The following HEATR1 variants were observed in gnomAD, a reference collection of about 807,000 sequenced individuals.
HEATR1 encodes the protein HEAT repeat-containing protein 1.
A neutral mutation model predicts 248.2 loss-of-function variants in HEATR1; 77 were observed. The observed-to-expected ratio is 0.31, with a 90% CI of 0.26 to 0.37. The LOEUF is 0.37. Ranked by LOEUF, HEATR1 falls within the 10% of genes least tolerant of loss-of-function variation. The probability of loss-of-function intolerance (pLI) is 1.00; values close to 1 mark genes in which losing one functional copy is unlikely to be tolerated. For missense variants in HEATR1, 2,420 were observed against 2,504.9 expected, an observed-to-expected ratio of 0.97 and a Z score of 0.72; for synonymous variants, 897 against 923.1, an observed-to-expected ratio of 0.97 and a Z score of 0.51.
intron 31 of HEATR1, among the ~76,000 whole-genome samples, chr1:236,565,288 A>G (rs115386319): frequency 0.013 from 1,985 of 152,280 alleles, 17 homozygotes; most frequent in Non-Finnish European, 0.022. Context: ...ATTGTAGAGA[A>G]CTAAGAACTA....
At position 236,557,356 on chromosome 1, in the gene HEATR1, AG is replaced by A. The variant is rs780490768; in HGVS notation, c.5205-12del. ...AACGATGGCATCAGGCTAGAAACAA[AG>A]TAAGAGCTTTAGAAGAACTTGAAGC... On this transcript the variant is annotated splice_polypyrimidine_tract_variant and intron_variant, in intron 36 of 44. Coordinates refer to ENST00000366582, the MANE Select transcript of HEATR1 (RefSeq NM_018072.6). The A allele has an allele frequency of 6.3e-5, 101 of 1,613,104 alleles. No individual in the cohort carries two copies. Among genetic ancestry groups the A allele is most frequent in the Non-Finnish European group, 8.5e-5 (100 of 1,179,444 alleles).
chr1:236,582,913 T>C (rs1158079434), intron 18 of HEATR1, 41 bp from the exon 19 acceptor site: 26 of 1,610,244 alleles, frequency 1.6e-5, no homozygotes, highest in Non-Finnish European at 2.1e-5. Flanking sequence ...AGATCCTACA[T>C]GAACATGCTG....
intron 12 of HEATR1, among the ~76,000 whole-genome samples, chr1:236,589,296 A>AT (rs1171625912): frequency 1.3e-5 from 2 of 152,226 alleles, no homozygotes; most frequent in African/African-American, 4.8e-5. Flanking sequence ...TTTATTTAAC[A>AT]TATCGACAAA....
chr1:236,575,181 C>T lies in HEATR1; in HGVS notation c.3085-278G>A, dbSNP rs141807921. Among the ~76,000 whole-genome samples, 915 of 152,262 alleles carry T rather than the reference C, an allele frequency of 6.0e-3. 4 individuals are homozygous for T. Among genetic ancestry groups the T allele is most frequent in the Middle Eastern group, 0.01 (3 of 294 alleles). On this transcript the variant is annotated intron_variant, in intron 22 of 44. Transcript: ENST00000366582. The stretch of plus-strand genomic sequence containing the variant: ...TTCCTCAAGACTTGAGAACAGAAAA[C>T]ACAAACTAAAACTTTAGAGAATAAA...
Position 236,596,913 on chromosome 1 carries a change from T to TA in HEATR1, c.666dup (p.Thr223TyrfsTer104). 6.2e-7 allele frequency: 1 copy of TA among 1,614,054 alleles called. No individual in the cohort carries two copies. Among genetic ancestry groups the TA allele is most frequent in the Non-Finnish European group, 8.5e-7 (1 of 1,179,996 alleles). On this transcript the variant is annotated frameshift_variant, in exon 6 of 45. Coordinates refer to ENST00000366582, the MANE Select transcript of HEATR1 (RefSeq NM_018072.6). LOFTEE classifies it high-confidence loss of function. ...GCAGCTACCAGCGCCGACACTATGGTAGAAGCATAGAAAGCCAAGAGCACC... is the reference window on the plus strand; with the variant it reads ...GCAGCTACCAGCGCCGACACTATGGTAAGAAGCATAGAAAGCCAAGAGCACC...
chr1:236,572,901 C>T lies in HEATR1; in HGVS notation c.3460-73G>A, dbSNP rs548642717. 1.3e-5 allele frequency: 17 copies of T among 1,317,588 alleles called. No individual in the cohort carries two copies. The South Asian group carries it at 1.9e-4, about 15-fold the overall frequency. The allele number at this position is 1,317,588 out of a possible 1,614,324, so 81.6% of individuals were successfully genotyped here. ...AAATTAGAGCAATAAATGTTAACCC[C>T]TAGGAAGGATTTATTCAATTAAGAG... is the stretch of plus-strand genomic sequence containing the variant. On this transcript the variant is annotated intron_variant, in intron 24 of 44. Coordinates refer to ENST00000366582, the MANE Select transcript of HEATR1 (RefSeq NM_018072.6).
chr1:236,559,932 C>T (rs571101979), intron 33 of HEATR1, 95 bp from the exon 34 acceptor site: 285 of 1,274,492 alleles, frequency 2.2e-4, no homozygotes, highest in Middle Eastern at 1.4e-3. Context: ...AGTAGAAAGA[C>T]GAGTTAAATA....
Position 236,581,297 on chromosome 1 carries a change from G to C in HEATR1, c.2680C>G (p.Leu894Val). The C allele has an allele frequency of 1.2e-6, 2 of 1,613,704 alleles. No individual in the cohort carries two copies. The highest frequency in any genetic ancestry group is 1.7e-6 in the Non-Finnish European group (2 of 1,179,912). The part of the protein sequence containing the change: ...SVKTVLQTQA[L>V]YVGCAMLSSQ... ...GAAAGCATTGCACAGCCCACATAAA[G>C]AGCTTGAGTCTGCAGCACTGTTTTC... is the stretch of plus-strand genomic sequence containing the variant. Residue 894 changes from leucine (L) to valine (V), a missense_variant, in exon 20 of 45, where the codon CTT becomes GTT. Coordinates refer to ENST00000366582, the MANE Select transcript of HEATR1 (RefSeq NM_018072.6).
intron 28 of HEATR1, among the ~76,000 whole-genome samples, chr1:236,569,897 T>C (rs1202074907): frequency 6.6e-6 from 1 of 152,210 alleles, no homozygotes; most frequent in Non-Finnish European, 1.5e-5. Context: ...CATCAACCGA[T>C]GAACAGATAA....
At chr1:236,563,360 C>A (rs7512629) in intron 32 of HEATR1, among the ~76,000 whole-genome samples, 3,728 of 152,076 alleles carry the variant, frequency 0.025, 139 homozygotes, top group African/African-American at 0.084. Flanking sequence ...TGGCTCACTG[C>A]AAGCTATGCC....
Position 236,563,455 on chromosome 1 carries a change from G to T in HEATR1, c.4599+1043C>A, listed in dbSNP as rs573611026. On this transcript the variant is annotated intron_variant, in intron 32 of 44. Transcript: ENST00000366582. ...CACCACCACGCCCGGCTAATTTTTT[G>T]TATTTTTTAGTAGAGACCATGTTAG... Among the ~76,000 whole-genome samples the T allele has an allele frequency of 3.3e-5, 5 of 151,890 alleles. No individual in the cohort carries two copies. In the East Asian group the frequency reaches 9.7e-4, roughly 29 times the overall value.
At chr1:236,595,726 G>T in intron 7 of HEATR1, 53 bp from the exon 8 acceptor site, 1 of 1,552,494 alleles carries the variant, frequency 6.4e-7, no homozygotes, top group Non-Finnish European at 8.8e-7. Context: ...TAGACAATGA[G>T]TAACAATATA....
At chr1:236,594,237 T>C (rs1352409207) in intron 8 of HEATR1, 123 bp from the exon 9 acceptor site, 2 of 590,482 alleles carry the variant, frequency 3.4e-6, no homozygotes, top group Non-Finnish European at 5.8e-6. Context: ...TCCAGCTTTT[T>C]ATCTATTTGC....
intron 32 of HEATR1, among the ~76,000 whole-genome samples, chr1:236,564,217 A>C (rs73113092): frequency 0.047 from 7,103 of 152,314 alleles, 534 homozygotes; most frequent in African/African-American, 0.15. Flanking sequence ...GAATATTATA[A>C]AGATTCTTGT....
At chr1:236,561,354 C>T in intron 32 of HEATR1, 83 bp from the exon 33 acceptor site, 1 of 1,051,650 alleles carries the variant, frequency 9.5e-7, no homozygotes, top group Non-Finnish European at 1.5e-6. Flanking sequence ...GAAACTCGGA[C>T]CATTCACTGA....
chr1:236,552,964 T>C (rs1200897548), intron 43 of HEATR1: 2 of 152,372 alleles, frequency 1.3e-5, no homozygotes, highest in Non-Finnish European at 2.9e-5. Context: ...TTTGAACTAA[T>C]AAATCCTATT....
chr1:236,563,345 G>A (rs1054432551), intron 32 of HEATR1, among the ~76,000 whole-genome samples: 8 of 151,722 alleles, frequency 5.3e-5, no homozygotes, highest in Admixed American at 2.6e-4. Flanking sequence ...GCATTGGCTC[G>A]ATCTTGGCTC....
In HEATR1 at chr1:236,566,688, C is replaced by A. The variant is rs763680391; in HGVS notation, c.4266G>T (p.Gln1422His). ...LWILLILLFE[Q>H]YVTKTVLAAA... ...CCGCCAGCACTGTTTTTGTGACATA[C>A]TGTTCAAAAAGCAAGATGAGGAGAA... is the stretch of plus-strand genomic sequence containing the variant. Residue 1422 changes from glutamine to histidine, a missense_variant, in exon 30 of 45, where the codon CAG becomes CAT. Gln to His is a conservative substitution (Grantham distance 24). Coordinates refer to ENST00000366582, the MANE Select transcript of HEATR1 (RefSeq NM_018072.6). 14 of 1,614,064 alleles carry A rather than the reference C, an allele frequency of 8.7e-6. No homozygotes were observed. The highest frequency in any genetic ancestry group is 1.2e-5 in the Non-Finnish European group (14 of 1,180,016).
chr1:236,571,718 A>T, intron 26 of HEATR1, 32 bp from the exon 27 acceptor site: 2 of 1,481,464 alleles, frequency 1.4e-6, no homozygotes, highest in Non-Finnish European at 1.9e-6. Context: ...AATGATGGGA[A>T]ATGTAAAAGT....
Sources: gnomAD v4.1 joint callset for allele counts (sites outside exome capture counted in the v4.1 genomes callset) on GRCh38, gnomAD v4.1.1 for gene constraint, MANE v1.5 for transcripts, NCBI Gene and HGNC (gene_info 2026-07-23, HGNC 2026-07-21) for gene names.